Variants in ABCG8 observed in about 807,000 individuals in gnomAD.
ABCG8 encodes the protein ATP binding cassette subfamily G member 8, also known as ATP-binding cassette sub-family G member 8.
Under a neutral mutation model 71.3 loss-of-function variants are expected in ABCG8, and 81 were observed. That is an observed-to-expected ratio of 1.14 (90% confidence interval 0.95 to 1.37). The LOEUF (loss-of-function observed/expected upper bound fraction) is 1.37. ABCG8 is among the 40% of genes most tolerant of loss of function. ABCG8 has a pLI of 0.00. For synonymous variants in ABCG8, 451 were observed against 354.7 expected, an observed-to-expected ratio of 1.27 and a Z score of -3.05; for missense variants, 1,119 against 866.2, an observed-to-expected ratio of 1.29 and a Z score of -3.66.
chr2:43,847,207 T>C (rs973432354), intron 3 of ABCG8: 1 of 152,216 alleles, frequency 6.6e-6, no homozygotes, highest in Admixed American at 6.5e-5. Flanking sequence ...TTTTAATTAA[T>C]CATTTCCAGA....
chr2:43,873,068 T>C (rs762246637), intron 8 of ABCG8, among the ~76,000 whole-genome samples: 1 of 152,172 alleles, frequency 6.6e-6, no homozygotes, highest in Non-Finnish European at 1.5e-5. Context: ...GATTGGGTCT[T>C]CCTCGGCATT....
Position 43,873,718 on chromosome 2 carries a change from G to A in ABCG8, c.1212-69G>A, listed in dbSNP as rs1443139476. 37 of 1,522,364 alleles carry A rather than the reference G, an allele frequency of 2.4e-5. No individual in the cohort carries two copies. The South Asian group carries it at 3.7e-4, about 15-fold the overall frequency. 94.3% of individuals were successfully genotyped at this position (1,522,364 alleles called of 1,614,324 possible). A position where few individuals can be genotyped will look rare whatever the true frequency, so the allele number is the denominator to read the frequency against. On this transcript the variant is annotated intron_variant, in intron 8 of 12. Coordinates refer to ENST00000272286, the MANE Select transcript of ABCG8 (RefSeq NM_022437.3). Reference sequence around the variant, plus strand: ...GAGAAAAATGAGGCTTATGGAGACTGTGACATTCCCAGGGTCACGGGGCTG... The same window carrying A: ...GAGAAAAATGAGGCTTATGGAGACTATGACATTCCCAGGGTCACGGGGCTG...
At chr2:43,872,348 C>A in intron 8 of ABCG8, 42 bp downstream of exon 8, 1 of 1,575,766 alleles carries the variant, frequency 6.3e-7, no homozygotes, top group Non-Finnish European at 8.7e-7. Flanking sequence ...CCCCCCTGCC[C>A]AAGTCTTTGT....
chr2:43,855,217 A>T (rs1669061382), intron 6 of ABCG8, among the ~76,000 whole-genome samples: 1 of 151,680 alleles, frequency 6.6e-6, no homozygotes, highest in African/African-American at 2.4e-5. Context: ...TCACTATCTC[A>T]ATACAATTCT....
intron 1 of ABCG8, among the ~76,000 whole-genome samples, chr2:43,841,024 G>A (rs1157093502): frequency 6.6e-6 from 1 of 152,194 alleles, no homozygotes; most frequent in Non-Finnish European, 1.5e-5. Flanking sequence ...CTCATGCCAT[G>A]GGCAGGAGCA....
chr2:43,871,883 T>A, intron 6 of ABCG8, 93 bp from the exon 7 acceptor site: 1 of 1,563,398 alleles, frequency 6.4e-7, no homozygotes, highest in Non-Finnish European at 8.8e-7. Flanking sequence ...CGAGGGGTGA[T>A]CAGCATTGTG....
intron 2 of ABCG8, among the ~76,000 whole-genome samples, chr2:43,845,074 A>T (rs1359372232): frequency 7.6e-6 from 1 of 131,572 alleles, no homozygotes; most frequent in Non-Finnish European, 1.6e-5. Context: ...CATTAGTTAT[A>T]TATATATGTG....
chr2:43,865,164 G>GGA (rs1444605340), intron 6 of ABCG8, among the ~76,000 whole-genome samples: 1 of 146,790 alleles, frequency 6.8e-6, no homozygotes, highest in Non-Finnish European at 1.5e-5. Context: ...ATCTGTCTAT[G>GGA]TAGAATTCTC....
intron 3 of ABCG8, chr2:43,846,939 C>G (rs564667176): frequency 5.7e-6 from 1 of 176,378 alleles, no homozygotes; most frequent in Non-Finnish European, 1.2e-5. Context: ...GGAAGGTGTT[C>G]AAACTCCCTA....
intron 6 of ABCG8, among the ~76,000 whole-genome samples, chr2:43,855,496 C>G (rs997246942): frequency 6.6e-6 from 1 of 152,056 alleles, no homozygotes; most frequent in Non-Finnish European, 1.5e-5. Flanking sequence ...CTGGATAGAA[C>G]TCCCACTATC....
At chr2:43,874,776 GC>G (rs1462471926) in intron 10 of ABCG8, among the ~76,000 whole-genome samples, 1 of 152,152 alleles carries the variant, frequency 6.6e-6, no homozygotes, top group Non-Finnish European at 1.5e-5. Context: ...CCTCACTGTG[GC>G]CCCCCAGCAG....
rs1670160405 is a variant in ABCG8 at position 43,882,561 on chromosome 2, T to G, written c.*4648T>G. On this transcript the variant is annotated 3_prime_UTR_variant, in exon 13 of 13. Coordinates refer to ENST00000272286, the MANE Select transcript of ABCG8 (RefSeq NM_022437.3). ...GAGAGACAACAGACATCCTTATTTGTGAATAGTCTGCACTAGATAATTCAG... is the reference window on the plus strand; with the variant it reads ...GAGAGACAACAGACATCCTTATTTGGGAATAGTCTGCACTAGATAATTCAG... The G allele has an allele frequency of 6.6e-6, 1 of 152,250 alleles. No individual in the cohort carries two copies. The allele number at this position is 152,250 out of a possible 1,614,324, so 9.4% of individuals were successfully genotyped here. A position where few individuals can be genotyped will look rare whatever the true frequency, so the allele number is the denominator to read the frequency against.
chr2:43,843,227 C>T (rs1179128075), intron 1 of ABCG8, among the ~76,000 whole-genome samples: 2 of 152,154 alleles, frequency 1.3e-5, no homozygotes, highest in Non-Finnish European at 2.9e-5. Flanking sequence ...TCCCAAATTC[C>T]AAGCCTGAAG....
At position 43,877,650 on chromosome 2, in the gene ABCG8, C is replaced by T. The variant is rs777640952; in HGVS notation, c.1846C>T (p.Pro616Ser). ...IQFSRRTYKMPLGNLTIAVSG... is the reference protein window; with the variant it reads ...IQFSRRTYKMSLGNLTIAVSG... ...GTTCAGCAGAAGAACTTATAAAATG[C>T]CTCTCGGGAACCTCACCATCGCGGT... Residue 616 changes from proline to serine, a missense_variant, in exon 12 of 13, where the codon CCT becomes TCT. Pro to Ser is a moderately conservative substitution (Grantham distance 74). Coordinates refer to ENST00000272286, the MANE Select transcript of ABCG8 (RefSeq NM_022437.3). 3.7e-6 allele frequency: 6 copies of T among 1,614,114 alleles called. No homozygotes were observed. Among genetic ancestry groups the T allele is most frequent in the Admixed American group, 3.3e-5 (2 of 60,018 alleles).
chr2:43,861,694 T>G (rs1213523047), intron 6 of ABCG8, among the ~76,000 whole-genome samples: 2 of 151,290 alleles, frequency 1.3e-5, no homozygotes, highest in Non-Finnish European at 3.0e-5. Context: ...TCTCACAATC[T>G]GGATAGAATT....
chr2:43,845,501 C>T (rs1212249154), intron 2 of ABCG8, among the ~76,000 whole-genome samples: 1 of 152,226 alleles, frequency 6.6e-6, no homozygotes, highest in African/African-American at 2.4e-5. Flanking sequence ...GTGATTAACA[C>T]AATGTCTTGC....
chr2:43,844,795 G>A (rs1033519280), intron 2 of ABCG8, among the ~76,000 whole-genome samples, 187 bp downstream of exon 2: 1 of 152,220 alleles, frequency 6.6e-6, no homozygotes, highest in Non-Finnish European at 1.5e-5. Flanking sequence ...AGAGCTGGAG[G>A]TTGAGAGGCT....
chr2:43,840,409 C>T (rs1479475582), intron 1 of ABCG8, among the ~76,000 whole-genome samples: 1 of 152,190 alleles, frequency 6.6e-6, no homozygotes, highest in Non-Finnish European at 1.5e-5. Flanking sequence ...ACGATTCAGC[C>T]ACCACAGCTT....
chr2:43,874,413 CAGAG>C lies in ABCG8; in HGVS notation c.1421_1424del (p.Glu474GlyfsTer47). On this transcript the variant is annotated frameshift_variant, in exon 10 of 13. Transcript: ENST00000272286. LOFTEE classifies it high-confidence loss of function. ...CCTTTCCCTTACTTTTTAGGTTACT[CAGAG>C]AGGGCAATGCTTTACTATGAACTGG... 1 of 1,610,742 alleles carries C rather than the reference CAGAG, an allele frequency of 6.2e-7. No homozygotes were observed. Among genetic ancestry groups the C allele is most frequent in the South Asian group, 1.1e-5 (1 of 91,006 alleles).
Sources: allele counts gnomAD v4.1 joint callset (sites outside exome capture counted in the v4.1 genomes callset), GRCh38; gene constraint gnomAD v4.1.1; transcripts MANE v1.5; gene names NCBI Gene and HGNC (gene_info 2026-07-23, HGNC 2026-07-21).